The following COL26A1 variants were observed in gnomAD, a reference collection of about 807,000 sequenced individuals.
The protein encoded by COL26A1 is collagen alpha-1(XXVI) chain.
In COL26A1, 41 loss-of-function variants were observed where a neutral mutation model predicts 59.3. The observed-to-expected ratio is 0.69, with a 90% CI of 0.54 to 0.90. The LOEUF (loss-of-function observed/expected upper bound fraction) is 0.90. COL26A1 is among the 40% of genes least tolerant of loss of function. The pLI, the probability that COL26A1 is intolerant of heterozygous loss-of-function variation, is 0.00. For synonymous variants in COL26A1, 266 were observed against 256.0 expected, an observed-to-expected ratio of 1.04 and a Z score of -0.37; for missense variants, 612 against 602.3, an observed-to-expected ratio of 1.02 and a Z score of -0.17.
Position 101,533,099 on chromosome 7 carries a change from C to T in COL26A1, c.403C>T (p.Arg135Trp), listed in dbSNP as rs775311193. The T allele has an allele frequency of 1.2e-5, 19 of 1,607,664 alleles. No homozygotes were observed. Among genetic ancestry groups the T allele is most frequent in the South Asian group, 4.5e-5 (4 of 89,790 alleles). ...NCDEECMNCT[R>W]LSDMSERLTT... ...TCTTTCAGAATGCATGAACTGCACCCGGCTCAGTGACATGAGTGAGCGACT... is the reference window on the plus strand; with the variant it reads ...TCTTTCAGAATGCATGAACTGCACCTGGCTCAGTGACATGAGTGAGCGACT... Residue 135 changes from arginine to tryptophan, a missense_variant, in exon 4 of 13, where the codon CGG becomes TGG. Transcript: ENST00000313669.
chr7:101,370,962 CT>C (rs1378345797), intron 1 of COL26A1, among the ~76,000 whole-genome samples: 1 of 94,706 alleles, frequency 1.1e-5, no homozygotes. Context: ...CTAGAACTCA[CT>C]TCCCCAGTTT....
chr7:101,535,699 C>T (rs983249750), intron 4 of COL26A1, among the ~76,000 whole-genome samples: 3 of 152,210 alleles, frequency 2.0e-5, no homozygotes, highest in Non-Finnish European at 4.4e-5. Context: ...GGCCAAGATT[C>T]CCACCCTTCC....
At chr7:101,368,721 G>A (rs980680635) in intron 1 of COL26A1, among the ~76,000 whole-genome samples, 9 of 152,110 alleles carry the variant, frequency 5.9e-5, no homozygotes, top group South Asian at 2.1e-4. Flanking sequence ...GATGTGCTTC[G>A]TCCTAACCTG....
At chr7:101,510,004 A>G (rs1794889112) in intron 3 of COL26A1, among the ~76,000 whole-genome samples, 1 of 143,110 alleles carries the variant, frequency 7.0e-6, no homozygotes, top group South Asian at 2.1e-4. Context: ...CTGGGATTAT[A>G]GGCATAAGCC....
At chr7:101,553,704 C>T (rs1055736215) in intron 11 of COL26A1, among the ~76,000 whole-genome samples, 1 of 152,174 alleles carries the variant, frequency 6.6e-6, no homozygotes, top group Admixed American at 6.5e-5. Flanking sequence ...CGTCAGGCTG[C>T]AGAGTCCCTC....
chr7:101,481,031 A>G (rs548219453), intron 3 of COL26A1, among the ~76,000 whole-genome samples: 4 of 152,174 alleles, frequency 2.6e-5, no homozygotes, highest in African/African-American at 9.6e-5. Context: ...GATAAATGCT[A>G]GTGAATTTCT....
chr7:101,373,981 C>T (rs1452170178), intron 1 of COL26A1, among the ~76,000 whole-genome samples: 1 of 152,164 alleles, frequency 6.6e-6, no homozygotes, highest in Non-Finnish European at 1.5e-5. Flanking sequence ...AGTGTGTGAG[C>T]TGGACCCGGA....
chr7:101,428,907 ATTTTCT>A (rs1792710003), intron 2 of COL26A1, among the ~76,000 whole-genome samples: 1 of 149,084 alleles, frequency 6.7e-6, no homozygotes. Flanking sequence ...TAATTTATCA[ATTTTCT>A]TTTTCTTTCT....
At chr7:101,444,278 A>G (rs28494488) in intron 2 of COL26A1, among the ~76,000 whole-genome samples, 37,730 of 151,926 alleles carry the variant, frequency 0.25, 9,165 homozygotes, top group African/African-American at 0.64. Flanking sequence ...TGGGTGTTCA[A>G]TAAACCCACT....
rs773496862 is a variant in COL26A1 at position 101,557,494 on chromosome 7, A to T, written c.1290A>T (p.Gly430=). ...CTGCCCTGCTTGGGCCCGACCCTGG[A>T]CAGAAGAGCGTGGACCAGGCCAGCA... ...VLAALLGPDP[G]QKSVDQASSR... is the part of the protein sequence containing the mutation. Residue 430 remains glycine (G), a synonymous_variant, in exon 13 of 13, where the codon GGA becomes GGT. Transcript: ENST00000313669. The T allele has an allele frequency of 2.3e-5, 37 of 1,613,358 alleles. No homozygotes were observed. Among genetic ancestry groups the T allele is most frequent in the Non-Finnish European group, 3.0e-5 (35 of 1,179,664 alleles).
chr7:101,393,453 T>C (rs1791780130), intron 1 of COL26A1, among the ~76,000 whole-genome samples: 1 of 152,128 alleles, frequency 6.6e-6, no homozygotes, highest in Non-Finnish European at 1.5e-5. Flanking sequence ...TTCACATTTT[T>C]CTACCTGCTT....
chr7:101,380,292 ATTTTTTTTTT>A (rs34990402), intron 1 of COL26A1, among the ~76,000 whole-genome samples: 1 of 115,904 alleles, frequency 8.6e-6, no homozygotes, highest in Non-Finnish European at 1.8e-5. Flanking sequence ...ACCCAGCTAC[ATTTTTTTTTT>A]TTTTTTTTTT....
chr7:101,517,579 T>C (rs867682254), intron 3 of COL26A1, among the ~76,000 whole-genome samples: 1 of 152,080 alleles, frequency 6.6e-6, no homozygotes, highest in Non-Finnish European at 1.5e-5. Flanking sequence ...GAGAACGGCA[T>C]GAGAAAGACC....
chr7:101,429,034 C>T (rs1792714142), intron 2 of COL26A1, among the ~76,000 whole-genome samples: 1 of 151,494 alleles, frequency 6.6e-6, no homozygotes, highest in African/African-American at 2.4e-5. Flanking sequence ...AGCAGTTCTA[C>T]TGCCTCAGCT....
chr7:101,479,135 C>T (rs2130487502), intron 3 of COL26A1, among the ~76,000 whole-genome samples: 1 of 152,320 alleles, frequency 6.6e-6, no homozygotes, highest in Admixed American at 6.5e-5. Context: ...GTTAATTCTT[C>T]TACATATTGT....
intron 3 of COL26A1, among the ~76,000 whole-genome samples, chr7:101,473,189 T>C (rs1179207263): frequency 1.3e-5 from 2 of 151,882 alleles, no homozygotes; most frequent in African/African-American, 4.8e-5. Context: ...ACGCCATTCT[T>C]CCGCCTCAGC....
At chr7:101,520,669 T>C (rs1795125819) in intron 3 of COL26A1, among the ~76,000 whole-genome samples, 1 of 88,574 alleles carries the variant, frequency 1.1e-5, no homozygotes, top group South Asian at 3.0e-4. Flanking sequence ...CACACCCCCG[T>C]GTTCTTGCAT....
chr7:101,546,628 T>C (rs1187762583), intron 7 of COL26A1, among the ~76,000 whole-genome samples: 1 of 152,106 alleles, frequency 6.6e-6, no homozygotes, highest in Non-Finnish European at 1.5e-5. Flanking sequence ...GCCCTGGGTC[T>C]GGTTCAGGAT....
intron 9 of COL26A1, among the ~76,000 whole-genome samples, chr7:101,550,854 C>T (rs535813612): frequency 4.5e-4 from 68 of 152,330 alleles, no homozygotes; most frequent in African/African-American, 1.4e-3. Flanking sequence ...GCCTGACAGC[C>T]GTACGTGGCA....
Sources: gnomAD v4.1 joint callset for allele counts (sites outside exome capture counted in the v4.1 genomes callset) on GRCh38, gnomAD v4.1.1 for gene constraint, MANE v1.5 for transcripts, NCBI Gene and HGNC (gene_info 2026-07-23, HGNC 2026-07-21) for gene names.